GALNT17: variants seen among roughly 807,000 people sequenced by gnomAD.
GALNT17 encodes the protein polypeptide N-acetylgalactosaminyltransferase 17.
In GALNT17, 29 loss-of-function variants were observed where a neutral mutation model predicts 63.7. The ratio of observed to expected loss-of-function variants is 0.46; its 90% confidence interval spans 0.34 to 0.62. The LOEUF is 0.62. Ranked by LOEUF, GALNT17 falls within the 20% of genes least tolerant of loss-of-function variation. The probability of loss-of-function intolerance (pLI) is 0.01; values close to 1 mark genes in which losing one functional copy is unlikely to be tolerated. For synonymous variants in GALNT17, 305 were observed against 318.3 expected, an observed-to-expected ratio of 0.96 and a Z score of 0.45; for missense variants, 603 against 799.6, an observed-to-expected ratio of 0.75 and a Z score of 2.97.
At chr7:71,678,422 G>A (rs1026197994) in intron 9 of GALNT17, among the ~76,000 whole-genome samples, 2 of 151,322 alleles carry the variant, frequency 1.3e-5, no homozygotes, top group African/African-American at 4.9e-5. Context: ...TCCGCCCTGG[G>A]CCAAGCACAG....
Position 71,712,204 on chromosome 7 carries a change from A to G in GALNT17, c.*58A>G. The G allele has an allele frequency of 1.3e-6, 2 of 1,575,520 alleles. No homozygotes were observed. The highest frequency in any genetic ancestry group is 1.7e-6 in the Non-Finnish European group (2 of 1,161,208). On this transcript the variant is annotated 3_prime_UTR_variant, in exon 11 of 11. Transcript: ENST00000333538. ...CCAGGACATGGCTGCTCCCCCCAAC[A>G]TCTGGACCAGCTGCCCTGGCGGAGA...
At chr7:71,546,230 G>A (rs1477009141) in intron 5 of GALNT17, among the ~76,000 whole-genome samples, 1 of 149,260 alleles carries the variant, frequency 6.7e-6, no homozygotes, top group African/African-American at 2.5e-5. Flanking sequence ...GCACAATCAT[G>A]GCTCACTGCA....
chr7:71,632,084 G>T (rs545018863), intron 6 of GALNT17, among the ~76,000 whole-genome samples: 1 of 143,534 alleles, frequency 7.0e-6, no homozygotes, highest in Non-Finnish European at 1.6e-5. Flanking sequence ...AAGATGTTTA[G>T]TCTAAAAAAA....
At chr7:71,554,372 C>T (rs180785573) in intron 5 of GALNT17, among the ~76,000 whole-genome samples, 145 of 152,326 alleles carry the variant, frequency 9.5e-4, no homozygotes, top group Admixed American at 1.2e-3. Flanking sequence ...CTTTGTTCCT[C>T]CTTTGCCTTT....
chr7:71,217,890 T>C (rs1789514735), intron 1 of GALNT17, among the ~76,000 whole-genome samples: 1 of 151,274 alleles, frequency 6.6e-6, no homozygotes, highest in South Asian at 2.1e-4. Context: ...ATCGCACCAC[T>C]GCACTCCAGC....
intron 2 of GALNT17, among the ~76,000 whole-genome samples, chr7:71,387,641 T>C (rs1792970998): frequency 6.6e-6 from 1 of 152,104 alleles, no homozygotes; most frequent in South Asian, 2.1e-4. Context: ...TGGTCCCTAG[T>C]TGAGAGATTT....
intron 7 of GALNT17, among the ~76,000 whole-genome samples, chr7:71,665,972 C>CG (rs1188574399): frequency 6.6e-6 from 1 of 152,116 alleles, no homozygotes; most frequent in African/African-American, 2.4e-5. Flanking sequence ...CCAGCTGCCC[C>CG]GTATCATATG....
intron 1 of GALNT17, among the ~76,000 whole-genome samples, chr7:71,202,372 T>G (rs528171065): frequency 6.6e-6 from 1 of 152,338 alleles, no homozygotes; most frequent in South Asian, 2.1e-4. Flanking sequence ...TACACATTTC[T>G]GTTTAAAGGT....
At chr7:71,688,316 T>G (rs1791391913) in intron 9 of GALNT17, among the ~76,000 whole-genome samples, 1 of 152,194 alleles carries the variant, frequency 6.6e-6, no homozygotes, top group Non-Finnish European at 1.5e-5. Flanking sequence ...GTTTCTGATT[T>G]TATTACTTTG....
intron 1 of GALNT17, among the ~76,000 whole-genome samples, chr7:71,239,612 G>C (rs1789958269): frequency 6.6e-6 from 1 of 152,198 alleles, no homozygotes; most frequent in Non-Finnish European, 1.5e-5. Context: ...GCAGTATCTA[G>C]AAGGGCCAGT....
intron 3 of GALNT17, among the ~76,000 whole-genome samples, chr7:71,408,880 G>A (rs1187764270): frequency 3.3e-5 from 5 of 151,510 alleles, no homozygotes; most frequent in African/African-American, 1.2e-4. Context: ...CTCTGTCTCT[G>A]TCTCTGTATA....
intron 1 of GALNT17, among the ~76,000 whole-genome samples, chr7:71,204,178 C>T (rs189185694): frequency 1.3e-5 from 2 of 152,184 alleles, no homozygotes; most frequent in East Asian, 3.9e-4. Context: ...ATTGTGTGTT[C>T]TTGGCACCTC....
intron 6 of GALNT17, among the ~76,000 whole-genome samples, chr7:71,607,366 G>A (rs1028354416): frequency 6.6e-6 from 1 of 152,154 alleles, no homozygotes; most frequent in Non-Finnish European, 1.5e-5. Flanking sequence ...TAAAGCCTGT[G>A]AGAACATTTT....
At chr7:71,398,935 A>T (rs1216368555) in intron 3 of GALNT17, among the ~76,000 whole-genome samples, 2 of 152,188 alleles carry the variant, frequency 1.3e-5, no homozygotes, top group Non-Finnish European at 2.9e-5. Context: ...GGGCTGAAAC[A>T]AGAAGTGGGA....
rs1193174039 is a variant in GALNT17 at position 71,298,523 on chromosome 7, C to T, written c.239-37027C>T. 3.3e-5 allele frequency among the ~76,000 whole-genome samples: 5 copies of T among 152,266 alleles called. No homozygotes were observed. The South Asian group carries it at 6.2e-4, about 19-fold the overall frequency. On this transcript the variant is annotated intron_variant, in intron 1 of 10. Transcript: ENST00000333538. ...CGCGAGTCTTACACTGTGGCATCTG[C>T]TCCTTTTTCTTTCTGGTTCAGAAAG... is the stretch of plus-strand genomic sequence containing the variant.
intron 1 of GALNT17, among the ~76,000 whole-genome samples, chr7:71,220,152 T>A (rs1789557502): frequency 6.6e-6 from 1 of 152,182 alleles, no homozygotes; most frequent in South Asian, 2.1e-4. Context: ...ATTAAGTCCA[T>A]TTATGCAAAT....
At chr7:71,383,975 G>A (rs1792892975) in intron 2 of GALNT17, among the ~76,000 whole-genome samples, 1 of 152,138 alleles carries the variant, frequency 6.6e-6, no homozygotes, top group Non-Finnish European at 1.5e-5. Flanking sequence ...ATACCCGGAA[G>A]TGGAATTGCT....
chr7:71,300,328 G>A (rs1254976122), intron 1 of GALNT17: 1 of 398,140 alleles, frequency 2.5e-6, no homozygotes, highest in African/African-American at 2.1e-5. Context: ...TCTAAGAGGA[G>A]GCTTGTTGGA....
chr7:71,359,591 A>AT (rs34744394), intron 2 of GALNT17, among the ~76,000 whole-genome samples: 38,234 of 146,100 alleles, frequency 0.26, 5,338 homozygotes, highest in East Asian at 0.54. Context: ...AGTGGGTATA[A>AT]TTTTTTTTTT....
Sources: gnomAD v4.1 joint callset for allele counts (sites outside exome capture counted in the v4.1 genomes callset) on GRCh38, gnomAD v4.1.1 for gene constraint, MANE v1.5 for transcripts, NCBI Gene and HGNC (gene_info 2026-07-23, HGNC 2026-07-21) for gene names.